Variants in VTI1A observed in about 807,000 individuals in gnomAD.
VTI1A encodes the protein vesicle transport through interaction with t-SNAREs 1A.
VTI1A carries 22 observed loss-of-function variants against 34.9 expected under a neutral mutation model. The ratio of observed to expected loss-of-function variants is 0.63; its 90% CI spans 0.45 to 0.90. The LOEUF (loss-of-function observed/expected upper bound fraction) is 0.90, where lower values mean the gene tolerates loss of function less well. VTI1A is among the 40% of genes least tolerant of loss of function. The pLI, the probability that VTI1A is intolerant of heterozygous loss-of-function variation, is 0.00. For synonymous variants in VTI1A, 87 were observed against 97.3 expected (o/e 0.89, Z 0.62); for missense variants, 268 against 275.6 (o/e 0.97, Z 0.20).
chr10:112,752,577 C>G (rs776219519), intron 7 of VTI1A: 16 of 985,244 alleles, frequency 1.6e-5, no homozygotes, highest in Non-Finnish European at 1.6e-5. Flanking sequence ...GAAAAACGCC[C>G]ACTTAATAAA....
intron 5 of VTI1A, among the ~76,000 whole-genome samples, chr10:112,618,727 G>A (rs1443274395): frequency 1.3e-5 from 2 of 151,802 alleles, no homozygotes; most frequent in Admixed American, 6.6e-5. Context: ...TTAGGCCAAA[G>A]TGTTGCTATA....
chr10:112,748,557 A>G lies in VTI1A; in HGVS notation c.561-66733A>G, dbSNP rs192888207. ...AGATGTGCCCTGGATAATTATACAC[A>G]TGTACAAATAACCCACACACAAATG... is the stretch of plus-strand genomic sequence containing the variant. On this transcript the variant is annotated intron_variant, in intron 7 of 7. Coordinates refer to ENST00000393077, the MANE Select transcript of VTI1A (RefSeq NM_145206.4). Among the ~76,000 whole-genome samples the G allele has an allele frequency of 2.0e-5, 3 of 147,504 alleles. No individual in the cohort carries two copies. The East Asian group carries it at 5.9e-4, about 29-fold the overall frequency.
chr10:112,648,437 A>ATTTCT (rs1353609844), intron 5 of VTI1A, among the ~76,000 whole-genome samples: 1 of 152,226 alleles, frequency 6.6e-6, no homozygotes, highest in Non-Finnish European at 1.5e-5. Context: ...TTCTGAGAAC[A>ATTTCT]GTTCTGGTAC....
At position 112,815,499 on chromosome 10, in the gene VTI1A, C is replaced by T; in HGVS notation, c.*116C>T. On this transcript the variant is annotated 3_prime_UTR_variant, in exon 8 of 8. Coordinates refer to ENST00000393077, the MANE Select transcript of VTI1A (RefSeq NM_145206.4). ...AGGCCCCAGGTGACCCTCTCTCTCCCTCACCGCCGTTGGGCTGAAGTGCAA... is the reference window on the plus strand; with the variant it reads ...AGGCCCCAGGTGACCCTCTCTCTCCTTCACCGCCGTTGGGCTGAAGTGCAA... 1.2e-6 allele frequency: 1 copy of T among 860,000 alleles called. No individual in the cohort carries two copies. Among genetic ancestry groups the T allele is most frequent in the Non-Finnish European group, 1.9e-6 (1 of 521,386 alleles). The allele number at this position is 860,000 out of a possible 1,614,324, so 53.3% of individuals were successfully genotyped here.
the VTI1A span, among the ~76,000 whole-genome samples, chr10:112,847,318 C>G: frequency 8.3e-3 from 1,258 of 152,260 alleles, 18 homozygotes; most frequent in African/African-American, 0.028. Context: ...CCCCTATTTC[C>G]CTTTACCTTT....
chr10:112,652,903 C>T (rs1282183081), intron 5 of VTI1A, among the ~76,000 whole-genome samples: 2 of 152,108 alleles, frequency 1.3e-5, no homozygotes, highest in South Asian at 4.1e-4. Flanking sequence ...TGTCCAGGTT[C>T]TTGGCATCTT....
chr10:112,585,580 T>C (rs1487830900), intron 5 of VTI1A, among the ~76,000 whole-genome samples: 1 of 152,156 alleles, frequency 6.6e-6, no homozygotes, highest in African/African-American at 2.4e-5. Context: ...ATTCCAAAGT[T>C]TGCAGAGAAG....
chr10:112,600,286 G>A (rs1844831785), intron 5 of VTI1A, among the ~76,000 whole-genome samples: 1 of 152,138 alleles, frequency 6.6e-6, no homozygotes, highest in African/African-American at 2.4e-5. Context: ...CCAATGTGAT[G>A]CTTTGAAAAC....
intron 5 of VTI1A, among the ~76,000 whole-genome samples, chr10:112,619,301 A>C (rs775055572): frequency 6.6e-6 from 1 of 152,162 alleles, no homozygotes; most frequent in Admixed American, 6.5e-5. Flanking sequence ...TAAGACAGAC[A>C]TGATAATGAA....
chr10:112,817,900 C>G lies in VTI1A; in HGVS notation c.*2517C>G. 4.3e-6 allele frequency: 1 copy of G among 233,244 alleles called. No individual in the cohort carries two copies. 14.4% of individuals were successfully genotyped at this position (233,244 alleles called of 1,614,324 possible). A position where few individuals can be genotyped will look rare whatever the true frequency, so the allele number is the denominator to read the frequency against. On this transcript the variant is annotated 3_prime_UTR_variant, in exon 8 of 8. Transcript: ENST00000393077. ...GGAGGAGGAAGAAGAGAAGGAAGCC[C>G]TTGCCATATAAAATTCATGCAGACT...
At chr10:112,606,253 G>T (rs893573520) in intron 5 of VTI1A, among the ~76,000 whole-genome samples, 1 of 152,014 alleles carries the variant, frequency 6.6e-6, no homozygotes, top group Non-Finnish European at 1.5e-5. Flanking sequence ...TCGAACTCCT[G>T]ACCTCAGGTG....
At position 112,816,266 on chromosome 10, in the gene VTI1A, C is replaced by G. The variant is rs1010206510; in HGVS notation, c.*883C>G. 1.4e-5 allele frequency: 3 copies of G among 215,116 alleles called. No individual in the cohort carries two copies. In the Admixed American group the frequency reaches 1.7e-4, roughly 13 times the overall value. 13.3% of individuals were successfully genotyped at this position (215,116 alleles called of 1,614,324 possible). A position where few individuals can be genotyped will look rare whatever the true frequency, so the allele number is the denominator to read the frequency against. ...TGACAAGGTTCTCTCCACATACATT[C>G]CAGTATGTAAAGAGACCATGAATAT... On this transcript the variant is annotated 3_prime_UTR_variant, in exon 8 of 8. Transcript: ENST00000393077.
chr10:112,734,999 A>AC (rs1428738621), intron 7 of VTI1A, among the ~76,000 whole-genome samples: 1 of 152,154 alleles, frequency 6.6e-6, no homozygotes, highest in East Asian at 1.9e-4. Context: ...GCCTACAAGG[A>AC]CCCCAAGTCA....
chr10:112,781,300 A>G (rs912681622), intron 7 of VTI1A, among the ~76,000 whole-genome samples: 3 of 152,142 alleles, frequency 2.0e-5, no homozygotes, highest in Non-Finnish European at 4.4e-5. Flanking sequence ...GGGCCTCTAG[A>G]AAAGCTCAGT....
chr10:112,533,645 C>G, intron 4 of VTI1A: 2 of 764,528 alleles, frequency 2.6e-6, no homozygotes, highest in Non-Finnish European at 3.2e-6. Context: ...ATTTGTTTTT[C>G]CAGGTAAATC....
rs191968817 is a variant in VTI1A, at chr10:112,657,999, G to A, written c.428-10219G>A. ...CTTAGGATCATGGTTGCAGCTCTGTGGGTAATGAGCAACATGATCTGGGTG... is the reference window on the plus strand; with the variant it reads ...CTTAGGATCATGGTTGCAGCTCTGTAGGTAATGAGCAACATGATCTGGGTG... On this transcript the variant is annotated intron_variant, in intron 5 of 7. Coordinates refer to ENST00000393077, the MANE Select transcript of VTI1A (RefSeq NM_145206.4). Among the ~76,000 whole-genome samples the A allele has an allele frequency of 1.2e-3, 183 of 152,234 alleles. 2 individuals are homozygous for A. The highest frequency in any genetic ancestry group is 1.8e-3 in the Admixed American group (27 of 15,294).
intron 5 of VTI1A, chr10:112,538,642 C>A: frequency 4.2e-6 from 1 of 237,584 alleles, no homozygotes. Flanking sequence ...TGATTGCTAG[C>A]ACATGGCGCA....
intron 5 of VTI1A, among the ~76,000 whole-genome samples, chr10:112,649,408 C>CACACTTTTGTGATATTGTG (rs1484477320): frequency 9.2e-5 from 14 of 152,168 alleles, no homozygotes; most frequent in Non-Finnish European, 1.6e-4. Context: ...TGTGGCTTAT[C>CACACTTTTGTGATATTGTG]ATATTACATC....
At chr10:112,538,164 C>T (rs1850718560) in intron 4 of VTI1A, 82 bp from the exon 5 acceptor site, 9 of 1,295,874 alleles carry the variant, frequency 6.9e-6, no homozygotes, top group East Asian at 2.4e-5. Flanking sequence ...TTAGGGCATA[C>T]GAAGGCATTT....
Sources: allele counts gnomAD v4.1 joint callset (sites outside exome capture counted in the v4.1 genomes callset), GRCh38; gene constraint gnomAD v4.1.1; transcripts MANE v1.5; gene names NCBI Gene and HGNC (gene_info 2026-07-23, HGNC 2026-07-21).